Variants in MAN2A1 observed in about 807,000 individuals in gnomAD.
MAN2A1 encodes the protein alpha-mannosidase 2.
In MAN2A1, 76 loss-of-function variants were observed where a neutral mutation model predicts 142.6. The observed-to-expected ratio is 0.53, with a 90% CI of 0.44 to 0.65. The LOEUF (loss-of-function observed/expected upper bound fraction) is 0.65. MAN2A1 is among the 30% of genes least tolerant of loss of function. MAN2A1 has a pLI of 0.00. For missense variants in MAN2A1, 1,311 were observed against 1,365.1 expected (o/e 0.96, Z 0.62); for synonymous variants, 559 against 473.2 (o/e 1.18, Z -2.35).
At chr5:109,757,204 G>A (rs1752711381) in intron 5 of MAN2A1, among the ~76,000 whole-genome samples, 1 of 151,976 alleles carries the variant, frequency 6.6e-6, no homozygotes, top group Non-Finnish European at 1.5e-5. Context: ...ACCTGAAGGT[G>A]GTCTTGGGGA....
intron 2 of MAN2A1, among the ~76,000 whole-genome samples, chr5:109,714,670 G>A (rs1751403591): frequency 6.6e-6 from 1 of 152,200 alleles, no homozygotes; most frequent in Non-Finnish European, 1.5e-5. Flanking sequence ...ATCCTAAGGG[G>A]TAAATATTTT....
chr5:109,762,962 G>C (rs892521887), intron 5 of MAN2A1, among the ~76,000 whole-genome samples: 2 of 152,198 alleles, frequency 1.3e-5, no homozygotes, highest in Non-Finnish European at 2.9e-5. Flanking sequence ...GCAGCAAAAG[G>C]CTGCAAAAGC....
At chr5:109,783,921 A>G (rs1179350194) in intron 9 of MAN2A1, among the ~76,000 whole-genome samples, 2 of 151,876 alleles carry the variant, frequency 1.3e-5, no homozygotes, top group Admixed American at 1.3e-4. Flanking sequence ...GCTGGAGTGT[A>G]GTAGTGTGAT....
intron 16 of MAN2A1, among the ~76,000 whole-genome samples, chr5:109,829,332 A>C (rs1228116621): frequency 6.6e-6 from 1 of 152,236 alleles, no homozygotes. Context: ...TTGTTTAATG[A>C]GAGGAATGAG....
chr5:109,706,661 T>C (rs1751141974), intron 1 of MAN2A1, among the ~76,000 whole-genome samples: 1 of 152,116 alleles, frequency 6.6e-6, no homozygotes, highest in African/African-American at 2.4e-5. Context: ...TGCTCTTACA[T>C]GGTGGGCACA....
At chr5:109,701,137 A>G (rs962154629) in intron 1 of MAN2A1, among the ~76,000 whole-genome samples, 17 of 152,224 alleles carry the variant, frequency 1.1e-4, no homozygotes, top group African/African-American at 3.4e-4. Context: ...TAAGACTAAA[A>G]CAAGAGTCAA....
intron 1 of MAN2A1, among the ~76,000 whole-genome samples, chr5:109,707,056 C>G (rs1751153883): frequency 6.6e-6 from 1 of 152,114 alleles, no homozygotes; most frequent in South Asian, 2.1e-4. Flanking sequence ...AAATGGAAAA[C>G]TTTTGATTGG....
intron 2 of MAN2A1, among the ~76,000 whole-genome samples, chr5:109,714,870 T>C (rs955591170): frequency 6.6e-6 from 1 of 151,986 alleles, no homozygotes; most frequent in Non-Finnish European, 1.5e-5. Flanking sequence ...CAGATTCTGA[T>C]AGGATCAGAA....
chr5:109,804,209 C>A (rs908408989), intron 12 of MAN2A1: 2 of 986,896 alleles, frequency 2.0e-6, no homozygotes, highest in Non-Finnish European at 2.4e-6. Context: ...GTGAAGGTAT[C>A]CTGATCCTGA....
chr5:109,798,770 C>T (rs1753933484), intron 12 of MAN2A1, among the ~76,000 whole-genome samples: 1 of 152,170 alleles, frequency 6.6e-6, no homozygotes, highest in South Asian at 2.1e-4. Flanking sequence ...CAAGCTCCGC[C>T]TCCCAGGTTC....
intron 12 of MAN2A1, among the ~76,000 whole-genome samples, chr5:109,805,696 G>C (rs894778854): frequency 1.7e-4 from 26 of 152,080 alleles, no homozygotes; most frequent in African/African-American, 6.0e-4. Context: ...CTCTATATTT[G>C]GCGGGTATTA....
intron 3 of MAN2A1, among the ~76,000 whole-genome samples, chr5:109,725,350 C>T (rs1751714444): frequency 6.6e-6 from 1 of 152,214 alleles, no homozygotes; most frequent in Admixed American, 6.5e-5. Context: ...AGGCCTGGCC[C>T]TGTCCCAAAC....
At chr5:109,786,745 A>G (rs1040899124) in intron 10 of MAN2A1, among the ~76,000 whole-genome samples, 2 of 152,092 alleles carry the variant, frequency 1.3e-5, no homozygotes, top group African/African-American at 4.8e-5. Flanking sequence ...ACTTGGACTG[A>G]TGACTACTAT....
intron 16 of MAN2A1, among the ~76,000 whole-genome samples, chr5:109,831,782 A>G (rs149179691): frequency 6.6e-6 from 1 of 151,536 alleles, no homozygotes; most frequent in East Asian, 1.9e-4. Flanking sequence ...TCAGTCTTTC[A>G]TTACTTCTCT....
chr5:109,807,334 A>G (rs892621009), intron 12 of MAN2A1, among the ~76,000 whole-genome samples: 1 of 152,202 alleles, frequency 6.6e-6, no homozygotes, highest in Non-Finnish European at 1.5e-5. Flanking sequence ...GTAACCTGGT[A>G]TATTAGTTTC....
intron 19 of MAN2A1, among the ~76,000 whole-genome samples, chr5:109,848,432 A>G (rs977178987): frequency 1.3e-5 from 2 of 152,014 alleles, no homozygotes; most frequent in African/African-American, 2.4e-5. Flanking sequence ...TTTTTGCTCT[A>G]TTCTCCTTTC....
intron 4 of MAN2A1, among the ~76,000 whole-genome samples, chr5:109,754,098 T>C (rs1373953767): frequency 6.6e-6 from 1 of 151,688 alleles, no homozygotes; most frequent in East Asian, 1.9e-4. Flanking sequence ...ATTTTGTAAA[T>C]ATGGGATCTC....
chr5:109,704,234 A>T (rs1751066126), intron 1 of MAN2A1, among the ~76,000 whole-genome samples: 1 of 152,204 alleles, frequency 6.6e-6, no homozygotes, highest in African/African-American at 2.4e-5. Flanking sequence ...CCTGCATCTG[A>T]GCAGCCTCTG....
chr5:109,732,827 G>A (rs1751957043), intron 4 of MAN2A1, among the ~76,000 whole-genome samples: 2 of 151,666 alleles, frequency 1.3e-5, no homozygotes, highest in South Asian at 4.2e-4. Context: ...TTTGGCTTAG[G>A]ATTGACTTGG....
Sources: gnomAD v4.1 joint callset for allele counts (sites outside exome capture counted in the v4.1 genomes callset) on GRCh38, gnomAD v4.1.1 for gene constraint, MANE v1.5 for transcripts, NCBI Gene and HGNC (gene_info 2026-07-23, HGNC 2026-07-21) for gene names.